Variants in DLEU7 observed in about 807,000 individuals in gnomAD.
DLEU7 encodes the protein deleted in lymphocytic leukemia 7.
A neutral mutation model predicts 16.0 loss-of-function variants in DLEU7; 17 were observed. The ratio of observed to expected loss-of-function variants is 1.06; its 90% CI spans 0.73 to 1.59. DLEU7 has a LOEUF of 1.59. Ranked by LOEUF, DLEU7 falls within the 40% of genes most tolerant of loss-of-function variation. The pLI is 0.00. For synonymous variants in DLEU7, 113 were observed against 139.8 expected (o/e 0.81, Z 1.35); for missense variants, 308 against 314.9 (o/e 0.98, Z 0.17).
At chr13:50,763,893 T>A (rs1159600499) in intron 1 of DLEU7, among the ~76,000 whole-genome samples, 2 of 152,186 alleles carry the variant, frequency 1.3e-5, no homozygotes, top group African/African-American at 4.8e-5. Flanking sequence ...GGGGACTAAG[T>A]GAGACAGTGT....
intron 1 of DLEU7, among the ~76,000 whole-genome samples, chr13:50,826,644 A>C (rs939321666): frequency 6.6e-6 from 1 of 152,194 alleles, no homozygotes; most frequent in Non-Finnish European, 1.5e-5. Flanking sequence ...AAAGAGAACA[A>C]TGGATTAGAA....
intron 1 of DLEU7, among the ~76,000 whole-genome samples, chr13:50,714,182 A>C (rs1021160610): frequency 1.3e-5 from 2 of 152,238 alleles, no homozygotes; most frequent in African/African-American, 4.8e-5. Flanking sequence ...CACTGAACAC[A>C]AACTCCCTTC....
intron 1 of DLEU7, among the ~76,000 whole-genome samples, chr13:50,755,238 C>G (rs662306): frequency 0.17 from 26,017 of 152,132 alleles, 2,380 homozygotes; most frequent in East Asian, 0.21. Context: ...GTCTATGTCT[C>G]TAGCAAGGCT....
intron 1 of DLEU7, among the ~76,000 whole-genome samples, chr13:50,759,306 C>T (rs972472129): frequency 2.6e-5 from 4 of 152,186 alleles, no homozygotes; most frequent in Admixed American, 2.0e-4. Flanking sequence ...AGTAAAATCA[C>T]TTAACTATTA....
At chr13:50,720,512 A>T (rs554497993) in intron 1 of DLEU7, among the ~76,000 whole-genome samples, 1 of 152,362 alleles carries the variant, frequency 6.6e-6, no homozygotes, top group East Asian at 1.9e-4. Context: ...TGTGAAAGAC[A>T]CACAGACACC....
At chr13:50,747,130 T>C (rs1874422164) in intron 1 of DLEU7, among the ~76,000 whole-genome samples, 1 of 152,124 alleles carries the variant, frequency 6.6e-6, no homozygotes, top group East Asian at 1.9e-4. Flanking sequence ...GAATTGTTAT[T>C]GTTAAGTAAA....
chr13:50,721,722 G>A (rs895159502), intron 1 of DLEU7, among the ~76,000 whole-genome samples: 7 of 152,180 alleles, frequency 4.6e-5, no homozygotes, highest in African/African-American at 1.7e-4. Flanking sequence ...TGAAGGAAAT[G>A]CCAGTGAGAA....
chr13:50,769,853 T>A (rs1399509297), intron 1 of DLEU7, among the ~76,000 whole-genome samples: 1 of 152,232 alleles, frequency 6.6e-6, no homozygotes, highest in Non-Finnish European at 1.5e-5. Context: ...GGAGATGGCA[T>A]TGAATCTATA....
intron 1 of DLEU7, among the ~76,000 whole-genome samples, chr13:50,734,966 C>T (rs1186673180): frequency 2.0e-5 from 3 of 152,052 alleles, no homozygotes; most frequent in Admixed American, 6.6e-5. Context: ...GGATACATAC[C>T]ATGCAAACAG....
intron 1 of DLEU7, among the ~76,000 whole-genome samples, chr13:50,839,633 T>G (rs1877583467): frequency 6.6e-6 from 1 of 152,168 alleles, no homozygotes; most frequent in African/African-American, 2.4e-5. Flanking sequence ...AGTGTAGGCT[T>G]CCTGGAAATC....
At chr13:50,781,241 T>C (rs1251461051) in intron 1 of DLEU7, among the ~76,000 whole-genome samples, 1 of 152,186 alleles carries the variant, frequency 6.6e-6, no homozygotes. Context: ...ATATTTACCA[T>C]ATTGGACATA....
chr13:50,755,702 A>G (rs996184334), intron 1 of DLEU7, among the ~76,000 whole-genome samples: 2 of 149,586 alleles, frequency 1.3e-5, no homozygotes, highest in African/African-American at 4.9e-5. Flanking sequence ...TAAATCAGGG[A>G]TTTCTTCTTG....
chr13:50,733,481 G>A (rs979500647), intron 1 of DLEU7, among the ~76,000 whole-genome samples: 1 of 152,092 alleles, frequency 6.6e-6, no homozygotes, highest in Non-Finnish European at 1.5e-5. Flanking sequence ...TGTATGTTTA[G>A]AATACATCCA....
At chr13:50,782,605 C>T (rs545312457) in intron 1 of DLEU7, among the ~76,000 whole-genome samples, 1 of 152,108 alleles carries the variant, frequency 6.6e-6, no homozygotes, top group African/African-American at 2.4e-5. Flanking sequence ...CACACTTGAC[C>T]ATTAGCACAG....
intron 1 of DLEU7, among the ~76,000 whole-genome samples, chr13:50,735,869 G>T (rs1172650908): frequency 6.6e-6 from 1 of 152,096 alleles, no homozygotes; most frequent in Non-Finnish European, 1.5e-5. Context: ...ATGCTGGCAA[G>T]GTTGCAGAGA....
At chr13:50,728,176 T>G (rs1460334877) in intron 1 of DLEU7, among the ~76,000 whole-genome samples, 3 of 152,290 alleles carry the variant, frequency 2.0e-5, no homozygotes, top group Middle Eastern at 3.4e-3. Flanking sequence ...GTCCTTAGGT[T>G]GTAAAGTAAT....
chr13:50,736,718 G>A (rs968241182), intron 1 of DLEU7, among the ~76,000 whole-genome samples: 1 of 151,656 alleles, frequency 6.6e-6, no homozygotes, highest in African/African-American at 2.4e-5. Flanking sequence ...AAGAAATTTA[G>A]CAGAGCCGAT....
chr13:50,805,041 C>G (rs1029214053), intron 1 of DLEU7, among the ~76,000 whole-genome samples: 1 of 151,674 alleles, frequency 6.6e-6, no homozygotes, highest in African/African-American at 2.4e-5. Flanking sequence ...TTTTCTTTCT[C>G]TCTTGTAAAA....
At chr13:50,776,050 G>T (rs924734484) in intron 1 of DLEU7, among the ~76,000 whole-genome samples, 2 of 152,018 alleles carry the variant, frequency 1.3e-5, no homozygotes, top group Non-Finnish European at 2.9e-5. Context: ...GATGTTGTTT[G>T]TTTCTTACAT....
Sources: gnomAD v4.1 joint callset for allele counts (sites outside exome capture counted in the v4.1 genomes callset) on GRCh38, gnomAD v4.1.1 for gene constraint, MANE v1.5 for transcripts, NCBI Gene and HGNC (gene_info 2026-07-23, HGNC 2026-07-21) for gene names.